The following FRMPD2 variants were observed in gnomAD, a reference collection of about 807,000 sequenced individuals.
FRMPD2 encodes FERM and PDZ domain containing 2.
FRMPD2 carries 96 observed loss-of-function variants against 140.1 expected under a neutral mutation model. The observed-to-expected ratio is 0.69, with a 90% CI of 0.58 to 0.81. The LOEUF (loss-of-function observed/expected upper bound fraction) is 0.81, where lower values mean the gene tolerates loss of function less well. Ranked by LOEUF, FRMPD2 falls within the 40% of genes least tolerant of loss-of-function variation. FRMPD2 has a pLI of 0.00. For synonymous variants in FRMPD2, 449 were observed against 547.6 expected (o/e 0.82, Z 2.52); for missense variants, 1,240 against 1,447.4 (o/e 0.86, Z 2.32).
chr10:48,227,247 C>A (rs975289366), intron 10 of FRMPD2, among the ~76,000 whole-genome samples: 1 of 152,126 alleles, frequency 6.6e-6, no homozygotes, highest in Non-Finnish European at 1.5e-5. Context: ...TTTTTAATCT[C>A]TGTCTTCTGT....
Position 48,242,360 on chromosome 10 carries a change from C to A in FRMPD2, c.376-8G>T, listed in dbSNP as rs754662510. On this transcript the variant is annotated splice_polypyrimidine_tract_variant and splice_region_variant and intron_variant, in intron 4 of 28. Coordinates refer to ENST00000374201, the MANE Select transcript of FRMPD2 (RefSeq NM_001018071.4). ...CTCGCAGAGCTGCAGGGGCTGGAGG[C>A]AGACAGGGCCGGTGAGAGGAGAGAG... 6.2e-6 allele frequency: 10 copies of A among 1,609,468 alleles called. No homozygotes were observed. The highest frequency in any genetic ancestry group is 1.7e-5 in the Admixed American group (1 of 59,738).
chr10:48,175,132 T>C (rs1231911551), intron 23 of FRMPD2, 177 bp from the exon 24 acceptor site: 1 of 470,930 alleles, frequency 2.1e-6, no homozygotes, highest in Non-Finnish European at 3.7e-6. Flanking sequence ...GCAGTCTCAC[T>C]CCCTTCTTCT....
At chr10:48,241,275 A>T (rs947525100) in intron 5 of FRMPD2, among the ~76,000 whole-genome samples, 9 of 152,050 alleles carry the variant, frequency 5.9e-5, no homozygotes, top group Non-Finnish European at 1.3e-4. Context: ...GCCCTCATTA[A>T]TCCTGCTCTC....
intron 13 of FRMPD2, among the ~76,000 whole-genome samples, chr10:48,210,024 A>T (rs182955069): frequency 1.4e-3 from 218 of 152,350 alleles, no homozygotes; most frequent in African/African-American, 4.8e-3. Context: ...ACATATATAT[A>T]TGAATGCACA....
chr10:48,250,481 A>T (rs557016331), intron 2 of FRMPD2, among the ~76,000 whole-genome samples: 1 of 151,872 alleles, frequency 6.6e-6, no homozygotes. Context: ...GCTCAGTGCA[A>T]TCTCTGCCTC....
At chr10:48,174,357 C>T (rs1554791931) in intron 24 of FRMPD2, among the ~76,000 whole-genome samples, 996 of 131,766 alleles carry the variant, frequency 7.6e-3, no homozygotes, top group East Asian at 0.019. Context: ...TGGCTCTGCT[C>T]TTGGCACCCT....
At chr10:48,219,528 G>A (rs561349893) in intron 12 of FRMPD2, among the ~76,000 whole-genome samples, 74 of 152,246 alleles carry the variant, frequency 4.9e-4, no homozygotes, top group Non-Finnish European at 6.9e-4. Flanking sequence ...CTCTGTTGAG[G>A]TCTGTTCCCA....
intron 25 of FRMPD2, among the ~76,000 whole-genome samples, chr10:48,172,351 A>G (rs1386653897): frequency 6.8e-6 from 1 of 147,396 alleles, no homozygotes; most frequent in Non-Finnish European, 1.5e-5. Context: ...GAAAATCTCT[A>G]TGAAGGGACT....
chr10:48,268,156 G>C (rs1428506930), intron 1 of FRMPD2, among the ~76,000 whole-genome samples: 1 of 152,044 alleles, frequency 6.6e-6, no homozygotes, highest in Non-Finnish European at 1.5e-5. Flanking sequence ...GGCCATAAGG[G>C]GAAGGCAAAT....
chr10:48,242,403 A>G (rs1193380465), intron 4 of FRMPD2, 51 bp from the exon 5 acceptor site: 6 of 1,530,642 alleles, frequency 3.9e-6, no homozygotes, highest in Non-Finnish European at 5.4e-6. Context: ...AGCTGCCACT[A>G]CGAGGCCAGC....
intron 24 of FRMPD2, among the ~76,000 whole-genome samples, chr10:48,173,424 C>T (rs1459828789): frequency 6.6e-6 from 1 of 151,450 alleles, no homozygotes; most frequent in African/African-American, 2.4e-5. Context: ...TGCCAAGGGC[C>T]ACATTTGGAG....
chr10:48,221,181 A>C (rs1336178622), intron 12 of FRMPD2, among the ~76,000 whole-genome samples: 2 of 152,230 alleles, frequency 1.3e-5, no homozygotes, highest in Admixed American at 6.5e-5. Context: ...AAAAATATGG[A>C]ACCAGCCCAA....
chr10:48,218,980 C>T (rs1205671517), intron 12 of FRMPD2, among the ~76,000 whole-genome samples: 1 of 152,210 alleles, frequency 6.6e-6, no homozygotes, highest in Non-Finnish European at 1.5e-5. Flanking sequence ...GCTGTCCAAT[C>T]ACCTGTGCTG....
chr10:48,250,780 A>C (rs561230042), intron 2 of FRMPD2, among the ~76,000 whole-genome samples: 1 of 147,828 alleles, frequency 6.8e-6, no homozygotes, highest in South Asian at 2.1e-4. Flanking sequence ...TGTTTAGAAC[A>C]CAGAGTAGGT....
At position 48,185,015 on chromosome 10, in the gene FRMPD2, C is replaced by A. The variant is rs113484392; in HGVS notation, c.2360-134G>T. The A allele has an allele frequency of 2.2e-3, 1,345 of 625,094 alleles. 8 individuals are homozygous for A. Among genetic ancestry groups the A allele is most frequent in the African/African-American group, 0.02 (1,091 of 54,322 alleles). The allele number at this position is 625,094 out of a possible 1,614,324, so 38.7% of individuals were successfully genotyped here. ...GATAGTTACAGTCAGGTCTTCTGAT[C>A]CTCAAATAGAGGATCTTTTCTACTT... On this transcript the variant is annotated intron_variant, in intron 18 of 28. Transcript: ENST00000374201.
intron 15 of FRMPD2, among the ~76,000 whole-genome samples, chr10:48,197,153 C>A (rs1035460933): frequency 6.6e-6 from 1 of 152,172 alleles, no homozygotes; most frequent in Non-Finnish European, 1.5e-5. Flanking sequence ...GCATTTGGTT[C>A]TGCATCTGAA....
At chr10:48,250,785 G>A (rs528802150) in intron 2 of FRMPD2, among the ~76,000 whole-genome samples, 39 of 146,614 alleles carry the variant, frequency 2.7e-4, no homozygotes, top group African/African-American at 9.6e-4. Context: ...AGAACACAGA[G>A]TAGGTCTGCC....
chr10:48,214,848 T>C (rs1839409202), intron 12 of FRMPD2, among the ~76,000 whole-genome samples: 1 of 152,198 alleles, frequency 6.6e-6, no homozygotes, highest in African/African-American at 2.4e-5. Flanking sequence ...GAAGGAAGAC[T>C]GGGAAGGCAT....
intron 1 of FRMPD2, among the ~76,000 whole-genome samples, chr10:48,269,190 G>T (rs1412464551): frequency 6.6e-6 from 1 of 152,140 alleles, no homozygotes; most frequent in African/African-American, 2.4e-5. Context: ...TATCAAGAGG[G>T]TCAAAAATTT....
Sources: allele counts gnomAD v4.1 joint callset (sites outside exome capture counted in the v4.1 genomes callset), GRCh38; gene constraint gnomAD v4.1.1; transcripts MANE v1.5; gene names NCBI Gene and HGNC (gene_info 2026-07-23, HGNC 2026-07-21).